MYO1B: variants seen among roughly 807,000 people sequenced by gnomAD.
The protein encoded by MYO1B is myosin IB.
Under a neutral mutation model 159.7 loss-of-function variants are expected in MYO1B, and 72 were observed. That is an observed-to-expected ratio of 0.45 (90% confidence interval 0.37 to 0.55). The LOEUF is 0.55. Ranked by LOEUF, MYO1B falls within the 20% of genes least tolerant of loss-of-function variation. The pLI, the probability that MYO1B is intolerant of heterozygous loss-of-function variation, is 0.00. For missense variants in MYO1B, 1,062 were observed against 1,364.8 expected (o/e 0.78, Z 3.50); for synonymous variants, 468 against 473.8 (o/e 0.99, Z 0.16).
At chr2:191,388,261 T>TAC (rs1695521043) in intron 17 of MYO1B, 2 of 141,672 alleles carry the variant, frequency 1.4e-5, no homozygotes, top group South Asian at 4.4e-4. Context: ...CGGGTGACAA[T>TAC]ACAAGACTCC....
chr2:191,346,349 A>G, intron 6 of MYO1B, 67 bp downstream of exon 6: 7 of 1,073,118 alleles, frequency 6.5e-6, no homozygotes, highest in South Asian at 1.8e-5. Flanking sequence ...AACAACCAGT[A>G]GATGTTTAAT....
Position 191,378,110 on chromosome 2 carries a change from T to C in MYO1B, c.1186-3352T>C, listed in dbSNP as rs1051349184. Among the ~76,000 whole-genome samples, 23 of 151,952 alleles carry C rather than the reference T, an allele frequency of 1.5e-4. 1 individual carries two copies. Among genetic ancestry groups the C allele is most frequent in the African/African-American group, 5.1e-4 (21 of 41,338 alleles). ...CAGGAGAATACTCTCTCCTTATTGG[T>C]TTTTGAAAAGGAGCCTTAGCACGGT... On this transcript the variant is annotated intron_variant, in intron 13 of 30. Transcript: ENST00000392318.
At chr2:191,342,899 T>C (rs1692312046) in intron 5 of MYO1B, among the ~76,000 whole-genome samples, 1 of 147,882 alleles carries the variant, frequency 6.8e-6, no homozygotes, top group Non-Finnish European at 1.5e-5. Flanking sequence ...AGAGGGAGAC[T>C]CTGTCTCAAA....
In MYO1B at chr2:191,400,751, A is replaced by C. The variant is rs1574616266; in HGVS notation, c.2385A>C (p.Ala795=). ...ACTCCTTTTCAAATGCATCACAGGC[A>C]CGAAGGGAACTGAGACGGCTGAAGG... ...TIAAYWHGTQ[A]RRELRRLKEE... The change falls in exon 23 of 31, where the codon GCA becomes GCC. Residue 795 remains alanine, a splice_region_variant and synonymous_variant. Coordinates refer to ENST00000392318, the MANE Select transcript of MYO1B (RefSeq NM_001130158.3). 1.2e-6 allele frequency: 2 copies of C among 1,613,854 alleles called. No individual in the cohort carries two copies. Among genetic ancestry groups the C allele is most frequent in the African/African-American group, 2.7e-5 (2 of 74,938 alleles).
intron 13 of MYO1B, among the ~76,000 whole-genome samples, chr2:191,374,897 A>G (rs1312689009): frequency 6.6e-6 from 1 of 152,196 alleles, no homozygotes; most frequent in Non-Finnish European, 1.5e-5. Context: ...CCATAAAAGA[A>G]CTGCTATTCT....
intron 1 of MYO1B, among the ~76,000 whole-genome samples, chr2:191,256,385 T>A: frequency 6.6e-6 from 1 of 152,192 alleles, no homozygotes; most frequent in Non-Finnish European, 1.5e-5. Flanking sequence ...CATGTGCAGC[T>A]CCTAGAACAG....
chr2:191,303,075 G>T (rs1425396832), intron 3 of MYO1B, among the ~76,000 whole-genome samples: 1 of 152,162 alleles, frequency 6.6e-6, no homozygotes, highest in African/African-American at 2.4e-5. Context: ...ATTTTATAAA[G>T]AACATTTCTG....
intron 27 of MYO1B, among the ~76,000 whole-genome samples, chr2:191,412,659 T>C (rs918809907): frequency 6.6e-6 from 1 of 152,228 alleles, no homozygotes; most frequent in Non-Finnish European, 1.5e-5. Flanking sequence ...AGCATTTAAA[T>C]TTGTATTTGC....
chr2:191,275,664 C>T (rs966469416), intron 1 of MYO1B, among the ~76,000 whole-genome samples: 4 of 152,162 alleles, frequency 2.6e-5, no homozygotes, highest in African/African-American at 7.2e-5. Context: ...GTCCTTTCCA[C>T]TCATTATCAG....
chr2:191,389,630 C>A (rs141848836), intron 17 of MYO1B, among the ~76,000 whole-genome samples: 1 of 152,328 alleles, frequency 6.6e-6, no homozygotes, highest in East Asian at 1.9e-4. Flanking sequence ...AAGTTGCTCA[C>A]CTGGCCACAT....
chr2:191,376,373 G>A (rs1694712783), intron 13 of MYO1B, among the ~76,000 whole-genome samples: 3 of 152,090 alleles, frequency 2.0e-5, no homozygotes, highest in South Asian at 4.1e-4. Flanking sequence ...AAAATGGACC[G>A]TGGTTAAGTG....
intron 3 of MYO1B, among the ~76,000 whole-genome samples, chr2:191,314,684 T>C (rs943078011): frequency 3.3e-5 from 5 of 152,214 alleles, no homozygotes; most frequent in African/African-American, 1.2e-4. Context: ...GAACTTAAAG[T>C]TGTGTTTAAG....
Position 191,396,446 on chromosome 2 carries a change from G to C in MYO1B, c.2244G>C (p.Gln748His), listed in dbSNP as rs1182298330. Residue 748 changes from glutamine to histidine, a missense_variant, in exon 21 of 31, where the codon CAG becomes CAC. Transcript: ENST00000392318. ...YRRYAQQKRY[Q>H]QTKSSALVIQ... Reference sequence around the variant, plus strand: ...TCCTACAGCAACAAAAGAGGTACCAGCAGACAAAGAGTTCCGCCTTAGTAA... The same window carrying C: ...TCCTACAGCAACAAAAGAGGTACCACCAGACAAAGAGTTCCGCCTTAGTAA... 1 of 1,614,156 alleles carries C rather than the reference G, an allele frequency of 6.2e-7. No homozygotes were observed. The highest frequency in any genetic ancestry group is 1.1e-5 in the South Asian group (1 of 91,080).
chr2:191,322,816 T>A (rs931722763), intron 3 of MYO1B, among the ~76,000 whole-genome samples: 4 of 152,158 alleles, frequency 2.6e-5, no homozygotes, highest in African/African-American at 4.8e-5. Context: ...GAGAGGGTTC[T>A]TGGATCTTGT....
At chr2:191,365,452 C>A (rs557483455) in intron 11 of MYO1B, among the ~76,000 whole-genome samples, 1 of 152,238 alleles carries the variant, frequency 6.6e-6, no homozygotes, top group South Asian at 2.1e-4. Context: ...TGGCAAATAC[C>A]ATAACTTTAT....
chr2:191,339,892 T>G (rs1692102600), intron 4 of MYO1B, among the ~76,000 whole-genome samples: 1 of 152,194 alleles, frequency 6.6e-6, no homozygotes, highest in African/African-American at 2.4e-5. Flanking sequence ...TTCCAATTTT[T>G]CACGTATTAT....
chr2:191,367,682 A>G (rs1574525131), intron 11 of MYO1B, among the ~76,000 whole-genome samples: 1 of 152,218 alleles, frequency 6.6e-6, no homozygotes, highest in African/African-American at 2.4e-5. Context: ...CGACATTAAG[A>G]TGAAAAAGGG....
rs969288099 is a variant in MYO1B, at chr2:191,383,342, T to G, written c.1353T>G (p.Asn451Lys). The change falls in exon 15 of 31, where the codon AAT becomes AAG. Residue 451 changes from asparagine (N) to lysine (K), a missense_variant and splice_region_variant. Physicochemically the swap from Asn to Lys is moderately conservative, Grantham distance 94. Around this residue, in one of 5 missense-constraint regions of MYO1B, gnomAD observed 415 missense variants for 544.0 expected, o/e 0.76. Coordinates refer to ENST00000392318, the MANE Select transcript of MYO1B (RefSeq NM_001130158.3). ...CTATCATTTGTGACCTAATAGAAAATGTGAGTACTTAGGTACAGTTTTCTA... is the reference window on the plus strand; with the variant it reads ...CTATCATTTGTGACCTAATAGAAAAGGTGAGTACTTAGGTACAGTTTTCTA... ...NNAIICDLIE[N>K]NTNGILAMLD... 1 of 1,571,534 alleles carries G rather than the reference T, an allele frequency of 6.4e-7. No individual in the cohort carries two copies. The highest frequency in any genetic ancestry group is 8.6e-7 in the Non-Finnish European group (1 of 1,159,014).
Position 191,416,224 on chromosome 2 carries a change from A to T in MYO1B, c.3269A>T (p.Asn1090Ile), listed in dbSNP as rs769052951. The T allele has an allele frequency of 6.2e-6, 10 of 1,614,056 alleles. No homozygotes were observed. In the South Asian group the frequency reaches 9.9e-5, roughly 16 times the overall value. Residue 1090 changes from asparagine (N) to isoleucine (I), a missense_variant, in exon 30 of 31, where the codon AAT (asparagine) becomes ATT (isoleucine). By Grantham distance (149) the Asn-to-Ile change is moderately radical. Around this residue, in one of 5 missense-constraint regions of MYO1B, gnomAD observed 609 missense variants for 744.4 expected, o/e 0.82. Coordinates refer to ENST00000392318, the MANE Select transcript of MYO1B (RefSeq NM_001130158.3). ...CTCAGCCAAACCAAACAGAAGCTCA[A>T]TATTGAGATTTCCGATGAGTACGTT... Reference protein sequence around the residue: ...TTLSQTKQKLNIEISDEFLVQ... With the variant: ...TTLSQTKQKLIIEISDEFLVQ...
Sources: allele counts gnomAD v4.1 joint callset (sites outside exome capture counted in the v4.1 genomes callset), GRCh38; gene constraint gnomAD v4.1.1; regional missense constraint gnomAD v4.1.1; transcripts MANE v1.5; gene names NCBI Gene and HGNC (gene_info 2026-07-23, HGNC 2026-07-21).